The following PDGFD variants were observed in gnomAD, a reference collection of about 807,000 sequenced individuals.
PDGFD encodes platelet derived growth factor D.
In PDGFD, 30 loss-of-function variants were observed where a neutral mutation model predicts 44.7. That is an observed-to-expected ratio of 0.67 (90% CI 0.50 to 0.91). PDGFD has a LOEUF of 0.91. PDGFD is among the 40% of genes least tolerant of loss of function. The pLI is 0.00. For synonymous variants in PDGFD, 173 were observed against 168.4 expected (o/e 1.03, Z -0.21); for missense variants, 445 against 457.8 (o/e 0.97, Z 0.25).
chr11:104,124,886 A>T (rs113223100), intron 1 of PDGFD, among the ~76,000 whole-genome samples: 27 of 151,244 alleles, frequency 1.8e-4, no homozygotes, highest in African/African-American at 4.6e-4. Flanking sequence ...AGAAGAATAT[A>T]AAAAAAATGA....
intron 1 of PDGFD, among the ~76,000 whole-genome samples, chr11:104,105,163 T>TG (rs774561556): frequency 4.6e-5 from 7 of 152,192 alleles, no homozygotes; most frequent in Non-Finnish European, 7.3e-5. Flanking sequence ...GACAGTAACT[T>TG]GCCCAGGATC....
intron 1 of PDGFD, among the ~76,000 whole-genome samples, chr11:104,034,793 C>A (rs547561531): frequency 1.7e-4 from 26 of 152,168 alleles, no homozygotes; most frequent in African/African-American, 5.8e-4. Context: ...CAGGCGCCCA[C>A]CACAACGCCT....
chr11:104,118,878 CAT>C (rs1415619227), intron 1 of PDGFD, among the ~76,000 whole-genome samples: 55 of 67,086 alleles, frequency 8.2e-4, no homozygotes, highest in Admixed American at 1.8e-3. Context: ...TATTAATATA[CAT>C]ATATATTATT....
At chr11:103,915,477 G>T (rs1858107532) in intron 6 of PDGFD, among the ~76,000 whole-genome samples, 3 of 152,278 alleles carry the variant, frequency 2.0e-5, no homozygotes, top group East Asian at 3.9e-4. Context: ...AACATTCCAT[G>T]CTCACAGATA....
At chr11:104,036,904 C>A in intron 1 of PDGFD, 1 of 1,614,150 alleles carries the variant, frequency 6.2e-7, no homozygotes, top group Non-Finnish European at 8.5e-7. Context: ...CTTTGAGCTC[C>A]GAAACTTCAA....
At chr11:103,984,735 T>C (rs1272736568) in intron 3 of PDGFD, among the ~76,000 whole-genome samples, 1 of 149,354 alleles carries the variant, frequency 6.7e-6, no homozygotes, top group Non-Finnish European at 1.5e-5. Flanking sequence ...ACTTGAGTAC[T>C]TGATGGAGAG....
intron 1 of PDGFD, among the ~76,000 whole-genome samples, chr11:104,102,463 C>G (rs1471724037): frequency 6.6e-6 from 1 of 152,164 alleles, no homozygotes; most frequent in Non-Finnish European, 1.5e-5. Context: ...AATAGGAACA[C>G]TTTTACACTG....
Position 104,048,189 on chromosome 11 carries a change from C to T in PDGFD, c.125-47934G>A, listed in dbSNP as rs574330256. Among the ~76,000 whole-genome samples, 23 of 152,130 alleles carry T rather than the reference C, an allele frequency of 1.5e-4. No homozygotes were observed. The East Asian group carries it at 3.9e-3, about 26-fold the overall frequency. On this transcript the variant is annotated intron_variant, in intron 1 of 6. Coordinates refer to ENST00000393158, the MANE Select transcript of PDGFD (RefSeq NM_025208.5). ...AGCACAGGCATTCAAAAGCTCTCAACGAGGAGACCATGTCTTCATTTTGAG... is the reference window on the plus strand; with the variant it reads ...AGCACAGGCATTCAAAAGCTCTCAATGAGGAGACCATGTCTTCATTTTGAG...
chr11:103,995,251 T>C (rs1859517883), intron 3 of PDGFD, among the ~76,000 whole-genome samples: 1 of 152,162 alleles, frequency 6.6e-6, no homozygotes, highest in Non-Finnish European at 1.5e-5. Context: ...ACCCTGTCTG[T>C]TCTGCTTACC....
intron 1 of PDGFD, among the ~76,000 whole-genome samples, chr11:104,085,736 T>C (rs868554387): frequency 9.8e-5 from 15 of 152,306 alleles, no homozygotes; most frequent in African/African-American, 2.6e-4. Flanking sequence ...TCCAGCTTAA[T>C]AGAAAACTTC....
At chr11:103,992,604 T>C (rs545354237) in intron 3 of PDGFD, among the ~76,000 whole-genome samples, 2 of 152,332 alleles carry the variant, frequency 1.3e-5, no homozygotes, top group Admixed American at 6.5e-5. Flanking sequence ...ACTGGTCCCA[T>C]ATGGCTATGC....
chr11:103,996,825 A>G (rs1201711060), intron 2 of PDGFD, among the ~76,000 whole-genome samples: 1 of 152,234 alleles, frequency 6.6e-6, no homozygotes, highest in African/African-American at 2.4e-5. Context: ...ATCATGAAGG[A>G]AAGCATGTAA....
intron 6 of PDGFD, among the ~76,000 whole-genome samples, chr11:103,922,790 G>T (rs896509389): frequency 6.6e-6 from 1 of 151,174 alleles, no homozygotes; most frequent in East Asian, 1.9e-4. Context: ...ATGTTGACCC[G>T]GTTGATCTTG....
At chr11:103,948,995 C>CTTTTT (rs10606695) in intron 3 of PDGFD, among the ~76,000 whole-genome samples, 5 of 77,044 alleles carry the variant, frequency 6.5e-5, no homozygotes, top group Admixed American at 1.8e-4. Context: ...ATTTTAGTCA[C>CTTTTT]TTTTTTTTTT....
At chr11:104,122,821 C>T (rs1452329024) in intron 1 of PDGFD, among the ~76,000 whole-genome samples, 1 of 151,858 alleles carries the variant, frequency 6.6e-6, no homozygotes, top group Non-Finnish European at 1.5e-5. Flanking sequence ...ATTTGTACAA[C>T]TTGTGTTGAT....
chr11:104,011,299 TC>T, intron 1 of PDGFD, among the ~76,000 whole-genome samples: 1 of 152,118 alleles, frequency 6.6e-6, no homozygotes, highest in African/African-American at 2.4e-5. Flanking sequence ...GTTTGGTTTA[TC>T]ACTTGTGATG....
In PDGFD at chr11:104,078,805, T is replaced by TAATTGAG; in HGVS notation, c.125-78551_125-78550insCTCAATT. On this transcript the variant is annotated intron_variant, in intron 1 of 6. Coordinates refer to ENST00000393158, the MANE Select transcript of PDGFD (RefSeq NM_025208.5). ...TCTCATTCTATAAAGTATTTAATGT[T>TAATTGAG]TAGGCATTCAGCTATTTACCAATGA... 4.2e-5 allele frequency among the ~76,000 whole-genome samples: 2 copies of TAATTGAG among 47,148 alleles called. 1 individual carries two copies. Among genetic ancestry groups the TAATTGAG allele is most frequent in the African/African-American group, 5.3e-4 (2 of 3,782 alleles). The allele number at this position is 47,148 out of a possible 152,430, so 30.9% of individuals were successfully genotyped here. A position where few individuals can be genotyped will look rare whatever the true frequency, so the allele number is the denominator to read the frequency against.
intron 1 of PDGFD, among the ~76,000 whole-genome samples, chr11:104,002,723 G>A (rs1751550697): frequency 1.3e-5 from 2 of 152,122 alleles, no homozygotes; most frequent in African/African-American, 4.8e-5. Flanking sequence ...TATCACTTGA[G>A]TATTACCCTT....
chr11:104,109,918 C>G (rs1325864204), intron 1 of PDGFD, among the ~76,000 whole-genome samples: 1 of 151,994 alleles, frequency 6.6e-6, no homozygotes, highest in Non-Finnish European at 1.5e-5. Flanking sequence ...TTGAGCAGGT[C>G]ATTTATTTTT....
Sources: allele counts gnomAD v4.1 joint callset (sites outside exome capture counted in the v4.1 genomes callset), GRCh38; gene constraint gnomAD v4.1.1; transcripts MANE v1.5; gene names NCBI Gene and HGNC (gene_info 2026-07-23, HGNC 2026-07-21).